Variants in CELF2 observed in about 807,000 individuals in gnomAD.
CELF2 encodes CUG triplet repeat RNA-binding protein 2.
In CELF2, 8 loss-of-function variants were observed where a neutral mutation model predicts 62.6. That is an observed-to-expected ratio of 0.13 (90% CI 0.07 to 0.23). The LOEUF is 0.23. Ranked by LOEUF, CELF2 falls within the 10% of genes least tolerant of loss-of-function variation. The probability of loss-of-function intolerance (pLI) is 1.00; values close to 1 mark genes in which losing one functional copy is unlikely to be tolerated. For missense variants in CELF2, 333 were observed against 671.0 expected, an observed-to-expected ratio of 0.50 and a Z score of 5.56; for synonymous variants, 258 against 250.0, an observed-to-expected ratio of 1.03 and a Z score of -0.30.
At chr10:10,639,922 C>T in the CELF2 span, among the ~76,000 whole-genome samples, 1 of 152,154 alleles carries the variant, frequency 6.6e-6, no homozygotes, top group Non-Finnish European at 1.5e-5. Flanking sequence ...AAACAGTCTC[C>T]ATTCCTGGAG....
At chr10:11,183,001 A>T (rs145669334) in intron 2 of CELF2, among the ~76,000 whole-genome samples, 126 of 152,338 alleles carry the variant, frequency 8.3e-4, no homozygotes, top group Middle Eastern at 6.8e-3. Flanking sequence ...GGCAAACTTC[A>T]CGTACTTAAA....
the CELF2 span, among the ~76,000 whole-genome samples, chr10:10,630,459 A>G: frequency 4.6e-5 from 7 of 152,164 alleles, no homozygotes; most frequent in African/African-American, 1.4e-4. Flanking sequence ...TCTAATCTCT[A>G]TCTCTACTCC....
At chr10:11,232,459 A>G (rs2069120317) in intron 3 of CELF2, among the ~76,000 whole-genome samples, 2 of 152,186 alleles carry the variant, frequency 1.3e-5, no homozygotes, top group African/African-American at 4.8e-5. Flanking sequence ...TGAGTAACTC[A>G]CACAGCCACA....
chr10:10,933,359 C>G (rs1035963181), intron 2 of CELF2, among the ~76,000 whole-genome samples: 3 of 152,162 alleles, frequency 2.0e-5, no homozygotes, highest in African/African-American at 7.2e-5. Flanking sequence ...TATGATATTT[C>G]TATACCTGAA....
At chr10:10,617,807 G>A in the CELF2 span, among the ~76,000 whole-genome samples, 1 of 152,094 alleles carries the variant, frequency 6.6e-6, no homozygotes, top group African/African-American at 2.4e-5. Context: ...AAGTAACCAT[G>A]CACCAGAGTA....
chr10:10,911,008 T>C (rs1419405439), intron 1 of CELF2, among the ~76,000 whole-genome samples: 1 of 152,230 alleles, frequency 6.6e-6, no homozygotes, highest in Admixed American at 6.5e-5. Context: ...ATATGGTGTA[T>C]GATGCTTAAC....
chr10:10,508,321 A>C, the CELF2 span, among the ~76,000 whole-genome samples: 1 of 152,246 alleles, frequency 6.6e-6, no homozygotes, highest in East Asian at 1.9e-4. Context: ...CTACTTGAAC[A>C]TGGAAATGCC....
intron 1 of CELF2, among the ~76,000 whole-genome samples, chr10:10,905,212 T>C (rs1334014380): frequency 6.6e-6 from 1 of 152,238 alleles, no homozygotes; most frequent in Admixed American, 6.5e-5. Flanking sequence ...TGGTGGCTGT[T>C]ATGGAATAAA....
intron 1 of CELF2, among the ~76,000 whole-genome samples, chr10:10,846,777 C>G (rs2059042331): frequency 6.6e-6 from 1 of 152,178 alleles, no homozygotes; most frequent in Admixed American, 6.5e-5. Context: ...AAATCGAGGT[C>G]CATTTTGCTG....
intron 1 of CELF2, among the ~76,000 whole-genome samples, chr10:10,871,952 C>G (rs2060778882): frequency 6.6e-6 from 1 of 152,138 alleles, no homozygotes; most frequent in Non-Finnish European, 1.5e-5. Context: ...CACATATTAT[C>G]TTCCGTTGCC....
At chr10:11,059,185 A>C (rs1192578936) in intron 1 of CELF2, among the ~76,000 whole-genome samples, 1 of 152,080 alleles carries the variant, frequency 6.6e-6, no homozygotes. Flanking sequence ...AGGCTCTCTG[A>C]CTCATTTCAC....
At chr10:10,804,728 G>A (rs550081165) in intron 1 of CELF2, among the ~76,000 whole-genome samples, 9 of 152,306 alleles carry the variant, frequency 5.9e-5, no homozygotes, top group Non-Finnish European at 8.8e-5. Flanking sequence ...ACGTTGATGG[G>A]AAACATAGAA....
the CELF2 span, among the ~76,000 whole-genome samples, chr10:10,734,620 C>T: frequency 6.6e-6 from 1 of 152,120 alleles, no homozygotes; most frequent in Admixed American, 6.5e-5. Flanking sequence ...CTTCCCTAGG[C>T]TAGAACCCAA....
the CELF2 span, among the ~76,000 whole-genome samples, chr10:10,737,737 C>G: frequency 7.2e-5 from 11 of 151,876 alleles, no homozygotes; most frequent in African/African-American, 2.4e-4. Context: ...GCATAAGAAA[C>G]CTTGGCAGGT....
intron 2 of CELF2, among the ~76,000 whole-genome samples, chr10:10,951,412 C>T (rs1330620922): frequency 6.6e-6 from 1 of 152,168 alleles, no homozygotes; most frequent in Non-Finnish European, 1.5e-5. Flanking sequence ...ACTGAGATTA[C>T]AGTCATGAGT....
At chr10:11,293,420 A>G (rs560515622) in intron 9 of CELF2, among the ~76,000 whole-genome samples, 2 of 152,342 alleles carry the variant, frequency 1.3e-5, no homozygotes, top group African/African-American at 2.4e-5. Context: ...CACCTCTACC[A>G]TGAAGCCTTC....
At chr10:11,193,080 G>C (rs1230679682) in intron 2 of CELF2, among the ~76,000 whole-genome samples, 1 of 152,118 alleles carries the variant, frequency 6.6e-6, no homozygotes, top group Non-Finnish European at 1.5e-5. Flanking sequence ...CATTTAGCAA[G>C]AATTAGTCAT....
At chr10:10,829,989 C>T (rs755726878) in intron 1 of CELF2, among the ~76,000 whole-genome samples, 7 of 145,126 alleles carry the variant, frequency 4.8e-5, no homozygotes, top group African/African-American at 1.5e-4. Flanking sequence ...AAGTTCTCTT[C>T]CCCCACCAAC....
At chr10:10,693,905 T>G in the CELF2 span, among the ~76,000 whole-genome samples, 1 of 151,750 alleles carries the variant, frequency 6.6e-6, no homozygotes, top group Non-Finnish European at 1.5e-5. Flanking sequence ...TCTCTCTTTT[T>G]TTCTTTATTA....
Sources: gnomAD v4.1 joint callset for allele counts (sites outside exome capture counted in the v4.1 genomes callset) on GRCh38, gnomAD v4.1.1 for gene constraint, MANE v1.5 for transcripts, NCBI Gene and HGNC (gene_info 2026-07-23, HGNC 2026-07-21) for gene names.